The following SLC15A5 variants were observed in gnomAD, a reference collection of about 807,000 sequenced individuals.
SLC15A5 encodes the protein Peptide/histidine transporter ENSP00000340402.
In SLC15A5, 58 loss-of-function variants were observed where a neutral mutation model predicts 56.1. The observed-to-expected ratio is 1.03, with a 90% CI of 0.84 to 1.29. SLC15A5 has a LOEUF of 1.29. SLC15A5 is among the 50% of genes most tolerant of loss of function. SLC15A5 has a pLI of 0.00. For synonymous variants in SLC15A5, 264 were observed against 250.5 expected, an observed-to-expected ratio of 1.05 and a Z score of -0.51; for missense variants, 681 against 672.1, an observed-to-expected ratio of 1.01 and a Z score of -0.15.
intron 4 of SLC15A5, among the ~76,000 whole-genome samples, chr12:16,240,854 C>T (rs1005267573): frequency 6.6e-6 from 1 of 151,982 alleles, no homozygotes; most frequent in African/African-American, 2.4e-5. Context: ...GCTCTGTCAC[C>T]CAGGCTGGAG....
intron 7 of SLC15A5, among the ~76,000 whole-genome samples, chr12:16,198,202 C>A (rs1863914834): frequency 6.6e-6 from 1 of 152,104 alleles, no homozygotes; most frequent in South Asian, 2.1e-4. Flanking sequence ...CTCCAAATAT[C>A]TCTTGCTTAG....
At chr12:16,256,913 A>AATAGATAAATAGATAGATAG (rs1205795650) in intron 3 of SLC15A5, among the ~76,000 whole-genome samples, 7 of 148,480 alleles carry the variant, frequency 4.7e-5, no homozygotes, top group African/African-American at 1.7e-4. Context: ...ATGCATGGGG[A>AATAGATAAATAGATAGATAG]ATAGATAGAT....
chr12:16,253,615 A>AT (rs1255517767), intron 3 of SLC15A5, among the ~76,000 whole-genome samples: 1 of 152,096 alleles, frequency 6.6e-6, no homozygotes, highest in Non-Finnish European at 1.5e-5. Flanking sequence ...TCACACTTCT[A>AT]ATCCCAGCAT....
At chr12:16,226,099 A>G (rs1864238849) in intron 5 of SLC15A5, among the ~76,000 whole-genome samples, 4 of 152,214 alleles carry the variant, frequency 2.6e-5, no homozygotes, top group African/African-American at 4.8e-5. Context: ...AAAGACACCA[A>G]AATTCCTGCT....
intron 4 of SLC15A5, among the ~76,000 whole-genome samples, chr12:16,241,659 A>G (rs1026859309): frequency 1.3e-5 from 2 of 152,216 alleles, no homozygotes; most frequent in Admixed American, 6.5e-5. Context: ...TGGATCCCCC[A>G]TCGGAGGAAA....
At chr12:16,268,583 G>A (rs1232646957) in intron 2 of SLC15A5, among the ~76,000 whole-genome samples, 1 of 152,198 alleles carries the variant, frequency 6.6e-6, no homozygotes, top group East Asian at 1.9e-4. Flanking sequence ...AAGAGTATAT[G>A]TAGATTTATA....
rs1329142359 is a variant in SLC15A5 at position 16,235,694 on chromosome 12, A to G, written c.1162+3987T>C. ...AGTTCCTCCTATCAAGTATTTTACA[A>G]TGGGTACATACCATGATGTTTCTTG... is the stretch of plus-strand genomic sequence containing the variant. On this transcript the variant is annotated intron_variant, in intron 5 of 8. Transcript: ENST00000344941. This position sits in a 1 kb window ranked among gnomAD's most constrained non-coding sequence, Gnocchi z 4.1. Among the ~76,000 whole-genome samples, 1 of 152,140 alleles carries G rather than the reference A, an allele frequency of 6.6e-6. No homozygotes were observed. Among genetic ancestry groups the G allele is most frequent in the East Asian group, 1.9e-4 (1 of 5,200 alleles).
At chr12:16,256,213 C>G (rs1012408617) in intron 3 of SLC15A5, among the ~76,000 whole-genome samples, 5 of 152,032 alleles carry the variant, frequency 3.3e-5, no homozygotes, top group Non-Finnish European at 5.9e-5. Flanking sequence ...ATATACTATA[C>G]CTCAATGTAA....
At chr12:16,207,544 G>C (rs1864032895) in intron 7 of SLC15A5, among the ~76,000 whole-genome samples, 1 of 152,114 alleles carries the variant, frequency 6.6e-6, no homozygotes, top group African/African-American at 2.4e-5. Flanking sequence ...ACTGCATTGA[G>C]CTTCTGAATA....
chr12:16,239,997 A>C lies in SLC15A5; in HGVS notation c.976-130T>G, dbSNP rs190074350. ...GAGCTGGATGTTGCCTAGTTTTTCA[A>C]GTTCCCAGTTATGAGCTGATAAAGG... On this transcript the variant is annotated intron_variant, in intron 4 of 8. Coordinates refer to ENST00000344941, the MANE Select transcript of SLC15A5 (RefSeq NM_001170798.1). 102 of 817,194 alleles carry C rather than the reference A, an allele frequency of 1.2e-4. No homozygotes were observed. The Middle Eastern group carries it at 1.5e-3, about 12-fold the overall frequency. The allele number at this position is 817,194 out of a possible 1,614,324, so 50.6% of individuals were successfully genotyped here.
At chr12:16,255,903 A>G (rs1179137053) in intron 3 of SLC15A5, among the ~76,000 whole-genome samples, 1 of 152,204 alleles carries the variant, frequency 6.6e-6, no homozygotes, top group Non-Finnish European at 1.5e-5. Context: ...GCATTTATTT[A>G]AAAATGGAAG....
rs137890392 is a variant in SLC15A5, at chr12:16,258,582, A to C, written c.585-712T>G. ...AAAAATTGACGTAAAATTAAATGCA[A>C]TAAAATTTACTCATTTACATATATA... On this transcript the variant is annotated intron_variant, in intron 2 of 8. Coordinates refer to ENST00000344941, the MANE Select transcript of SLC15A5 (RefSeq NM_001170798.1). Among the ~76,000 whole-genome samples, 586 of 152,330 alleles carry C rather than the reference A, an allele frequency of 3.8e-3. 6 individuals are homozygous for C. Among genetic ancestry groups the C allele is most frequent in the African/African-American group, 0.013 (544 of 41,580 alleles).
intron 8 of SLC15A5, among the ~76,000 whole-genome samples, chr12:16,192,804 A>T (rs1379161444): frequency 6.6e-6 from 1 of 152,108 alleles, no homozygotes; most frequent in Non-Finnish European, 1.5e-5. Flanking sequence ...TAGGCATAAG[A>T]CCATTATAAT....
chr12:16,256,564 A>G (rs1241447944), intron 3 of SLC15A5, among the ~76,000 whole-genome samples: 1 of 152,222 alleles, frequency 6.6e-6, no homozygotes, highest in African/African-American at 2.4e-5. Flanking sequence ...CTTTTTAAAA[A>G]ATAATAAATT....
chr12:16,270,594 A>G (rs1565676031), intron 2 of SLC15A5, among the ~76,000 whole-genome samples: 1 of 152,154 alleles, frequency 6.6e-6, no homozygotes, highest in Non-Finnish European at 1.5e-5. Flanking sequence ...TACCTATAAT[A>G]TGCTAGGATA....
rs1279178232 is a variant in SLC15A5, at chr12:16,269,917, G to T, written c.584+2644C>A. Among the ~76,000 whole-genome samples the T allele has an allele frequency of 6.6e-6, 1 of 152,164 alleles. No individual in the cohort carries two copies. Among genetic ancestry groups the T allele is most frequent in the Non-Finnish European group, 1.5e-5 (1 of 68,028 alleles). On this transcript the variant is annotated intron_variant, in intron 2 of 8. Coordinates refer to ENST00000344941, the MANE Select transcript of SLC15A5 (RefSeq NM_001170798.1). This position sits in a 1 kb window ranked among gnomAD's most constrained non-coding sequence, Gnocchi z 4.7. ...CCTCCTTCTTTTTGCTTCCAGAAAA[G>T]AATCTGCACAGGTGTATTTACCTAG...
intron 5 of SLC15A5, among the ~76,000 whole-genome samples, chr12:16,231,014 C>G (rs75200109): frequency 0.03 from 4,500 of 152,158 alleles, 216 homozygotes; most frequent in African/African-American, 0.1. Context: ...ATTAAATAGT[C>G]TCCACCAGTA....
rs879447987 is a variant in SLC15A5 at position 16,271,230 on chromosome 12, A to G, written c.584+1331T>C. Among the ~76,000 whole-genome samples the G allele has an allele frequency of 2.0e-5, 3 of 152,118 alleles. No homozygotes were observed. The highest frequency in any genetic ancestry group is 4.4e-5 in the Non-Finnish European group (3 of 68,022). On this transcript the variant is annotated intron_variant, in intron 2 of 8. Coordinates refer to ENST00000344941, the MANE Select transcript of SLC15A5 (RefSeq NM_001170798.1). The surrounding 1 kb of genome is among the most constrained non-coding windows in gnomAD (Gnocchi z 8.0). ...TGTCTCCTTTGTAATCAACACTGAGAAATGTCACTTTGATTAAACACAACT... is the reference window on the plus strand; with the variant it reads ...TGTCTCCTTTGTAATCAACACTGAGGAATGTCACTTTGATTAAACACAACT...
intron 5 of SLC15A5, among the ~76,000 whole-genome samples, chr12:16,230,781 G>T (rs1591649449): frequency 1.3e-5 from 2 of 151,148 alleles, no homozygotes; most frequent in East Asian, 3.9e-4. Context: ...AAAATAGCCG[G>T]GCGTGGTGGT....
Sources: gnomAD v4.1 joint callset for allele counts (sites outside exome capture counted in the v4.1 genomes callset) on GRCh38, gnomAD v4.1.1 for gene constraint, Gnocchi (gnomAD v3.1) non-coding constraint, MANE v1.5 for transcripts, NCBI Gene and HGNC (gene_info 2026-07-23, HGNC 2026-07-21) for gene names.